LRBA: variants seen among roughly 807,000 people sequenced by gnomAD.
The protein encoded by LRBA is LPS responsive beige-like anchor protein, also known as lipopolysaccharide-responsive and beige-like anchor protein.
Under a neutral mutation model 330.0 loss-of-function variants are expected in LRBA, and 176 were observed. The ratio of observed to expected loss-of-function variants is 0.53; its 90% CI spans 0.47 to 0.60. The LOEUF (loss-of-function observed/expected upper bound fraction) is 0.60. Among genes scored for constraint, LRBA ranks in the 20% least tolerant of loss-of-function variants. LRBA has a pLI of 0.00. For missense variants in LRBA, 3,259 were observed against 3,444.8 expected, an observed-to-expected ratio of 0.95 and a Z score of 1.35; for synonymous variants, 1,230 against 1,193.0, an observed-to-expected ratio of 1.03 and a Z score of -0.64.
chr4:150,305,037 T>C (rs1730179964), intron 52 of LRBA, among the ~76,000 whole-genome samples: 1 of 152,214 alleles, frequency 6.6e-6, no homozygotes, highest in African/African-American at 2.4e-5. Context: ...AGATTATGTA[T>C]GGGCAGGCTT....
At chr4:150,572,828 A>G (rs1337919990) in intron 40 of LRBA, among the ~76,000 whole-genome samples, 1 of 152,134 alleles carries the variant, frequency 6.6e-6, no homozygotes, top group African/African-American at 2.4e-5. Flanking sequence ...ATTGATAATG[A>G]CATACCTGCC....
At chr4:150,349,743 G>T (rs1339421356) in intron 48 of LRBA, among the ~76,000 whole-genome samples, 1 of 151,928 alleles carries the variant, frequency 6.6e-6, no homozygotes, top group East Asian at 1.9e-4. Flanking sequence ...TTATAAATAA[G>T]ATTATTTATA....
At chr4:150,837,638 T>G (rs1040073026) in intron 28 of LRBA, among the ~76,000 whole-genome samples, 10 of 152,214 alleles carry the variant, frequency 6.6e-5, no homozygotes, top group Admixed American at 3.3e-4. Context: ...GTTTTCCATT[T>G]GCTTGGTAGA....
intron 42 of LRBA, among the ~76,000 whole-genome samples, chr4:150,482,723 A>G (rs1456955040): frequency 1.3e-5 from 2 of 152,084 alleles, no homozygotes; most frequent in Non-Finnish European, 2.9e-5. Flanking sequence ...AGTTATTCGA[A>G]TAGGTATGTC....
chr4:150,991,097 AGAGGAGGAT>A (rs1742032695), intron 2 of LRBA, among the ~76,000 whole-genome samples: 1 of 151,830 alleles, frequency 6.6e-6, no homozygotes, highest in African/African-American at 2.4e-5. Context: ...AAGAGGAGGA[AGAGGAGGAT>A]GAAGAGGAGG....
At chr4:150,701,430 G>A (rs1785111605) in intron 36 of LRBA, among the ~76,000 whole-genome samples, 1 of 152,050 alleles carries the variant, frequency 6.6e-6, no homozygotes, top group African/African-American at 2.4e-5. Context: ...ACTTTCATAC[G>A]AATGGAAACA....
chr4:150,565,223 G>C (rs1265152709), intron 40 of LRBA, among the ~76,000 whole-genome samples: 3 of 152,144 alleles, frequency 2.0e-5, no homozygotes, highest in Non-Finnish European at 4.4e-5. Context: ...GATGAAACTG[G>C]AAGCCATCAT....
intron 49 of LRBA, among the ~76,000 whole-genome samples, chr4:150,324,692 T>G (rs891639966): frequency 6.6e-6 from 1 of 152,112 alleles, no homozygotes; most frequent in Non-Finnish European, 1.5e-5. Context: ...TCCTTCCCAG[T>G]ATTTATCAAA....
intron 44 of LRBA, among the ~76,000 whole-genome samples, chr4:150,447,175 A>C (rs1752715140): frequency 6.6e-6 from 1 of 152,126 alleles, no homozygotes; most frequent in Admixed American, 6.6e-5. Flanking sequence ...TATCAACTGG[A>C]AAAAAAATAA....
intron 53 of LRBA, among the ~76,000 whole-genome samples, chr4:150,293,194 T>G (rs1411318971): frequency 6.6e-6 from 1 of 152,202 alleles, no homozygotes; most frequent in African/African-American, 2.4e-5. Flanking sequence ...TAGTTACAAT[T>G]GATTACTACA....
At chr4:150,672,248 A>G (rs1782125752) in intron 37 of LRBA, among the ~76,000 whole-genome samples, 1 of 152,170 alleles carries the variant, frequency 6.6e-6, no homozygotes, top group Admixed American at 6.5e-5. Flanking sequence ...ACTTTTTTTA[A>G]TAATCCCATG....
chr4:150,975,398 T>C (rs1195312572), intron 2 of LRBA, among the ~76,000 whole-genome samples: 4 of 151,756 alleles, frequency 2.6e-5, no homozygotes, highest in African/African-American at 4.8e-5. Context: ...TGGTGGTGCA[T>C]GCCTGTAATT....
intron 48 of LRBA, among the ~76,000 whole-genome samples, chr4:150,341,497 T>A (rs1233833363): frequency 6.6e-6 from 1 of 152,052 alleles, no homozygotes; most frequent in Non-Finnish European, 1.5e-5. Context: ...TCTCCCTTCC[T>A]ACCACACGAT....
intron 36 of LRBA, among the ~76,000 whole-genome samples, chr4:150,707,548 T>G (rs199671623): frequency 6.6e-6 from 1 of 151,220 alleles, no homozygotes; most frequent in African/African-American, 2.4e-5. Flanking sequence ...AGATAAGAAA[T>G]AAAAAAGGAC....
intron 16 of LRBA, among the ~76,000 whole-genome samples, chr4:150,894,922 A>T (rs144843520): frequency 6.6e-6 from 1 of 152,206 alleles, no homozygotes; most frequent in South Asian, 2.1e-4. Context: ...AAGAGGAAAA[A>T]ATATCATAAT....
rs1359582851 is a variant in LRBA at position 150,562,417 on chromosome 4, T to G, written c.6330+25631A>C. On this transcript the variant is annotated intron_variant, in intron 40 of 56. Transcript: ENST00000651943. ...AATGATAGCGTAGTTACAAGTATACTCTCATTGCTATGGGCAACTATGATA... is the reference window on the plus strand; with the variant it reads ...AATGATAGCGTAGTTACAAGTATACGCTCATTGCTATGGGCAACTATGATA... Among the ~76,000 whole-genome samples the G allele has an allele frequency of 5.9e-5, 9 of 152,314 alleles. No individual in the cohort carries two copies. The East Asian group carries it at 1.7e-3, about 29-fold the overall frequency.
Position 150,998,725 on chromosome 4 carries a change from A to G in LRBA, c.216+15702T>C, listed in dbSNP as rs539873994. On this transcript the variant is annotated intron_variant, in intron 2 of 56. Coordinates refer to ENST00000651943, the MANE Select transcript of LRBA (RefSeq NM_001364905.1). Reference sequence around the variant, plus strand: ...CATAAAATCCCCCATGAATAAATCTATATTTTGTTTTGGTAATACAAGGTT... The same window carrying G: ...CATAAAATCCCCCATGAATAAATCTGTATTTTGTTTTGGTAATACAAGGTT... Among the ~76,000 whole-genome samples, 20 of 152,276 alleles carry G rather than the reference A, an allele frequency of 1.3e-4. No individual in the cohort carries two copies. In the South Asian group the frequency reaches 4.1e-3, roughly 32 times the overall value.
At chr4:150,529,260 TCTTTAC>T (rs1379636889) in intron 40 of LRBA, among the ~76,000 whole-genome samples, 1 of 152,206 alleles carries the variant, frequency 6.6e-6, no homozygotes, top group East Asian at 1.9e-4. Context: ...TGGAAGCCAC[TCTTTAC>T]CTTTACGGTG....
At chr4:150,423,333 G>C in intron 46 of LRBA, 1 of 712,836 alleles carries the variant, frequency 1.4e-6, no homozygotes, top group African/African-American at 1.8e-5. Flanking sequence ...CGAGCTCTGC[G>C]GACTGTGAGG....
Sources: gnomAD v4.1 joint callset for allele counts (sites outside exome capture counted in the v4.1 genomes callset) on GRCh38, gnomAD v4.1.1 for gene constraint, MANE v1.5 for transcripts, NCBI Gene and HGNC (gene_info 2026-07-23, HGNC 2026-07-21) for gene names.